BMPER: variants seen among roughly 807,000 people sequenced by gnomAD.
The protein encoded by BMPER is BMP binding endothelial regulator.
Under a neutral mutation model 87.3 loss-of-function variants are expected in BMPER, and 45 were observed. The observed-to-expected ratio is 0.52, with a 90% CI of 0.41 to 0.66. The LOEUF is 0.66. Ranked by LOEUF, BMPER falls within the 30% of genes least tolerant of loss-of-function variation. BMPER has a pLI of 0.00. For synonymous variants in BMPER, 326 were observed against 316.2 expected (o/e 1.03, Z -0.33); for missense variants, 784 against 867.5 (o/e 0.90, Z 1.21).
intron 3 of BMPER, among the ~76,000 whole-genome samples, chr7:33,954,289 A>C (rs534415095): frequency 6.6e-6 from 1 of 152,296 alleles, no homozygotes; most frequent in Admixed American, 6.5e-5. Flanking sequence ...CATGACCTCT[A>C]ATGCTAATAA....
chr7:34,017,340 T>C (rs2127944493), intron 6 of BMPER, among the ~76,000 whole-genome samples: 1 of 151,972 alleles, frequency 6.6e-6, no homozygotes, highest in East Asian at 1.9e-4. Context: ...TCGCGGTTCC[T>C]CATGGCTGCG....
chr7:33,977,231 G>A (rs1036920702), intron 6 of BMPER, among the ~76,000 whole-genome samples: 1 of 151,850 alleles, frequency 6.6e-6, no homozygotes, highest in Non-Finnish European at 1.5e-5. Context: ...AAAATAATCT[G>A]GTTTTTAATA....
intron 11 of BMPER, among the ~76,000 whole-genome samples, chr7:34,077,937 G>T (rs1788908661): frequency 1.3e-5 from 2 of 151,322 alleles, no homozygotes; most frequent in African/African-American, 2.4e-5. Context: ...AATTATTTGG[G>T]CTACTATCTC....
chr7:33,975,084 G>A (rs528964874), intron 6 of BMPER, among the ~76,000 whole-genome samples: 106 of 152,282 alleles, frequency 7.0e-4, no homozygotes, highest in African/African-American at 2.4e-3. Flanking sequence ...ACCAATGTCT[G>A]CAGACCACCC....
In BMPER at chr7:34,031,604, C is replaced by T. The variant is rs148046691; in HGVS notation, c.577-14702C>T. Among the ~76,000 whole-genome samples, 655 of 151,834 alleles carry T rather than the reference C, an allele frequency of 4.3e-3. 7 individuals carry two copies. The highest frequency in any genetic ancestry group is 0.014 in the African/African-American group (591 of 41,448). Reference sequence around the variant, plus strand: ...CACAGCTCTGTACCTTTCATAGCCCCGTTCTCTTGGCCAGTGAAATATACT... The same window carrying T: ...CACAGCTCTGTACCTTTCATAGCCCTGTTCTCTTGGCCAGTGAAATATACT... On this transcript the variant is annotated intron_variant, in intron 6 of 14. Transcript: ENST00000649409.
chr7:33,990,536 A>G (rs1786178054), intron 6 of BMPER, among the ~76,000 whole-genome samples: 1 of 150,566 alleles, frequency 6.6e-6, no homozygotes, highest in Non-Finnish European at 1.5e-5. Flanking sequence ...GGGGTTTTCT[A>G]GATATACAAT....
intron 10 of BMPER, among the ~76,000 whole-genome samples, chr7:34,060,180 T>C (rs2127964476): frequency 6.6e-6 from 1 of 152,272 alleles, no homozygotes; most frequent in South Asian, 2.1e-4. Flanking sequence ...CCTGATTTAT[T>C]CCCCCATCTA....
At chr7:33,977,482 C>G (rs1159548223) in intron 6 of BMPER, among the ~76,000 whole-genome samples, 1 of 152,040 alleles carries the variant, frequency 6.6e-6, no homozygotes. Flanking sequence ...TGCCATCTTG[C>G]GTGAGAGGGC....
chr7:33,929,595 T>C (rs1032316371), intron 2 of BMPER, among the ~76,000 whole-genome samples: 2 of 152,232 alleles, frequency 1.3e-5, no homozygotes, highest in Non-Finnish European at 2.9e-5. Context: ...GTGGCTCACT[T>C]AGCCTCTAAA....
At chr7:34,104,383 C>T (rs553801334) in intron 13 of BMPER, among the ~76,000 whole-genome samples, 29 of 152,280 alleles carry the variant, frequency 1.9e-4, no homozygotes, top group East Asian at 5.8e-4. Context: ...CCCCAGCATA[C>T]GCTGGAGGAA....
chr7:34,105,918 T>C (rs1562747344), intron 13 of BMPER, among the ~76,000 whole-genome samples: 1 of 152,162 alleles, frequency 6.6e-6, no homozygotes, highest in Non-Finnish European at 1.5e-5. Flanking sequence ...TAAATAAGCA[T>C]TGGATTAATA....
chr7:33,953,862 CT>C (rs924934968), intron 3 of BMPER, among the ~76,000 whole-genome samples: 10 of 152,096 alleles, frequency 6.6e-5, no homozygotes, highest in African/African-American at 2.4e-4. Flanking sequence ...ATGAATTTGC[CT>C]GTTCTAGGTA....
chr7:34,103,340 T>TGG lies in BMPER; in HGVS notation c.1745+17249_1745+17250dup, dbSNP rs1030805034. ...CTGCTCCCAGGTCCGTTTAGACCTG[T>TGG]GGCTGTCAAACTTCACCAGGCATCA... On this transcript the variant is annotated intron_variant, in intron 13 of 14. Coordinates refer to ENST00000649409, the MANE Select transcript of BMPER (RefSeq NM_001365308.1). Among the ~76,000 whole-genome samples the TGG allele has an allele frequency of 3.9e-5, 6 of 152,186 alleles. 1 individual carries two copies. Among genetic ancestry groups the TGG allele is most frequent in the Non-Finnish European group, 8.8e-5 (6 of 68,026 alleles).
intron 6 of BMPER, among the ~76,000 whole-genome samples, chr7:34,024,371 A>C (rs868658463): frequency 7.1e-5 from 7 of 98,086 alleles, no homozygotes; most frequent in Non-Finnish European, 1.1e-4. Flanking sequence ...AAAAAAAAAA[A>C]AAAAAAAAAA....
At position 33,905,805 on chromosome 7, in the gene BMPER, G is replaced by A. The variant is rs188379166; in HGVS notation, c.133+59G>A. The A allele has an allele frequency of 5.5e-4, 823 of 1,496,894 alleles. 2 individuals carry two copies. The African/African-American group carries it at 0.011, about 19-fold the overall frequency. 92.7% of individuals were successfully genotyped at this position (1,496,894 alleles called of 1,614,324 possible). ...GGACGCCGGTTTGGTACCTGGGAAA[G>A]GTGGCGCTGGCTTGCCCCGGGGATG... On this transcript the variant is annotated intron_variant, in intron 1 of 14. Coordinates refer to ENST00000649409, the MANE Select transcript of BMPER (RefSeq NM_001365308.1).
At chr7:33,994,608 A>G (rs1341285481) in intron 6 of BMPER, among the ~76,000 whole-genome samples, 2 of 152,172 alleles carry the variant, frequency 1.3e-5, no homozygotes, top group Non-Finnish European at 2.9e-5. Context: ...GGAGCTGTAG[A>G]CCGGAGCTGT....
chr7:33,905,816 CT>C, intron 1 of BMPER, 70 bp downstream of exon 1: 1 of 601,064 alleles, frequency 1.7e-6, no homozygotes, highest in Non-Finnish European at 2.9e-6. Context: ...GTGGCGCTGG[CT>C]TGCCCCGGGG....
Position 34,153,142 on chromosome 7 carries a change from A to G in BMPER, c.1927A>G (p.Ile643Val). The change falls in exon 15 of 15, where the codon ATC becomes GTC. Residue 643 changes from isoleucine to valine, a missense_variant. Coordinates refer to ENST00000649409, the MANE Select transcript of BMPER (RefSeq NM_001365308.1). Reference sequence around the variant, plus strand: ...GTACGATACCTGTGGTCCGGGATGTATCAAGACGTGTGACAACTGGAATGA... The same window carrying G: ...GTACGATACCTGTGGTCCGGGATGTGTCAAGACGTGTGACAACTGGAATGA... ...AVYDTCGPGCIKTCDNWNEIG... is the reference protein window; with the variant it reads ...AVYDTCGPGCVKTCDNWNEIG... 1 of 1,614,042 alleles carries G rather than the reference A, an allele frequency of 6.2e-7. No homozygotes were observed. The highest frequency in any genetic ancestry group is 8.5e-7 in the Non-Finnish European group (1 of 1,179,960).
At chr7:33,914,899 C>T (rs1246434821) in intron 2 of BMPER, among the ~76,000 whole-genome samples, 1 of 152,116 alleles carries the variant, frequency 6.6e-6, no homozygotes, top group Non-Finnish European at 1.5e-5. Context: ...CTGGAAGATT[C>T]TAGGAGGATG....
Sources: gnomAD v4.1 joint callset for allele counts (sites outside exome capture counted in the v4.1 genomes callset) on GRCh38, gnomAD v4.1.1 for gene constraint, MANE v1.5 for transcripts, NCBI Gene and HGNC (gene_info 2026-07-23, HGNC 2026-07-21) for gene names.